The following HECW1 variants were observed in gnomAD, a reference collection of about 807,000 sequenced individuals.
HECW1 encodes the protein HECT, C2 and WW domain containing E3 ubiquitin protein ligase 1.
Under a neutral mutation model 182.3 loss-of-function variants are expected in HECW1, and 61 were observed. The observed-to-expected ratio is 0.33, with a 90% CI of 0.27 to 0.41. The LOEUF (loss-of-function observed/expected upper bound fraction) is 0.41, where lower values mean the gene tolerates loss of function less well. Ranked by LOEUF, HECW1 falls within the 10% of genes least tolerant of loss-of-function variation. The pLI is 1.00. For synonymous variants in HECW1, 859 were observed against 832.6 expected (o/e 1.03, Z -0.55); for missense variants, 1,739 against 2,108.9 (o/e 0.82, Z 3.44).
chr7:43,219,768 G>A (rs1162582955), intron 2 of HECW1, among the ~76,000 whole-genome samples: 1 of 152,174 alleles, frequency 6.6e-6, no homozygotes, highest in Non-Finnish European at 1.5e-5. Context: ...CCCAGGGTGT[G>A]GTACAGGGCT....
At chr7:43,114,546 C>A (rs543541210) in intron 2 of HECW1, among the ~76,000 whole-genome samples, 155 bp downstream of exon 2, 2 of 152,168 alleles carry the variant, frequency 1.3e-5, no homozygotes, top group Non-Finnish European at 2.9e-5. Context: ...TTCCCTGTTG[C>A]CTGTTCCCTC....
intron 5 of HECW1, among the ~76,000 whole-genome samples, chr7:43,322,985 G>C (rs891180267): frequency 6.6e-6 from 1 of 152,148 alleles, no homozygotes; most frequent in African/African-American, 2.4e-5. Flanking sequence ...TATTAAGGAA[G>C]AGGAAATCCT....
intron 8 of HECW1, among the ~76,000 whole-genome samples, chr7:43,409,823 T>C (rs2075738668): frequency 4.6e-5 from 7 of 152,230 alleles, no homozygotes; most frequent in Admixed American, 2.0e-4. Flanking sequence ...TAAATTGTAC[T>C]ACAGTTCCCA....
chr7:43,189,331 C>T (rs972960414), intron 2 of HECW1, among the ~76,000 whole-genome samples: 1 of 152,016 alleles, frequency 6.6e-6, no homozygotes, highest in African/African-American at 2.4e-5. Context: ...GAGGGTGGGG[C>T]CTGAGACTTC....
At chr7:43,337,179 C>G (rs916341446) in intron 5 of HECW1, among the ~76,000 whole-genome samples, 1 of 152,284 alleles carries the variant, frequency 6.6e-6, no homozygotes, top group South Asian at 2.1e-4. Flanking sequence ...GAGTGTCCCC[C>G]TTTCTCTGCA....
chr7:43,385,293 C>T (rs866572008), intron 6 of HECW1, among the ~76,000 whole-genome samples: 1 of 80,568 alleles, frequency 1.2e-5, no homozygotes, highest in African/African-American at 4.9e-5. Flanking sequence ...CCCCTCCCCT[C>T]CCCTCTCCCC....
chr7:43,139,188 G>A (rs1583653740), intron 2 of HECW1, among the ~76,000 whole-genome samples: 2 of 152,164 alleles, frequency 1.3e-5, no homozygotes, highest in South Asian at 2.1e-4. Flanking sequence ...CCCTAGGGGG[G>A]CTGCCACAGC....
chr7:43,331,718 C>T (rs1219866767), intron 5 of HECW1, among the ~76,000 whole-genome samples: 1 of 152,124 alleles, frequency 6.6e-6, no homozygotes, highest in Non-Finnish European at 1.5e-5. Flanking sequence ...AGGATGTTAC[C>T]ATGAGGTGGA....
At chr7:43,536,958 C>G (rs2081198921) in intron 24 of HECW1, among the ~76,000 whole-genome samples, 1 of 152,316 alleles carries the variant, frequency 6.6e-6, no homozygotes, top group East Asian at 1.9e-4. Context: ...GCGGCGGCAC[C>G]AGCACAGGCA....
At chr7:43,487,377 TATG>T (rs1280684704) in intron 17 of HECW1, among the ~76,000 whole-genome samples, 1 of 152,210 alleles carries the variant, frequency 6.6e-6, no homozygotes, top group Non-Finnish European at 1.5e-5. Context: ...CATTTACAAT[TATG>T]ATGAAAGCGA....
chr7:43,462,997 A>G (rs571827968), intron 13 of HECW1, among the ~76,000 whole-genome samples: 3 of 152,266 alleles, frequency 2.0e-5, no homozygotes, highest in East Asian at 3.9e-4. Context: ...TTAAAGGGCA[A>G]TGTCATATTC....
intron 16 of HECW1, among the ~76,000 whole-genome samples, chr7:43,474,759 G>C (rs1196037783): frequency 1.3e-5 from 2 of 152,114 alleles, no homozygotes; most frequent in Non-Finnish European, 2.9e-5. Context: ...TACATGAATG[G>C]ATAAACAAAA....
At chr7:43,340,252 G>A (rs1213633751) in intron 5 of HECW1, among the ~76,000 whole-genome samples, 5 of 121,332 alleles carry the variant, frequency 4.1e-5, no homozygotes, top group Non-Finnish European at 4.7e-5. Context: ...ACGGAGTATC[G>A]CTCTGTCGCC....
intron 27 of HECW1, among the ~76,000 whole-genome samples, chr7:43,551,636 T>C (rs1030961099): frequency 6.6e-6 from 1 of 152,228 alleles, no homozygotes; most frequent in Non-Finnish European, 1.5e-5. Context: ...ACAGAATCAT[T>C]CTGAGAGGGA....
At chr7:43,484,873 A>G (rs930559925) in intron 17 of HECW1, among the ~76,000 whole-genome samples, 1 of 152,238 alleles carries the variant, frequency 6.6e-6, no homozygotes, top group African/African-American at 2.4e-5. Flanking sequence ...TCTCCTCAGA[A>G]TGTGTGACCA....
intron 3 of HECW1, among the ~76,000 whole-genome samples, chr7:43,298,903 T>C (rs1806372427): frequency 6.6e-6 from 1 of 152,202 alleles, no homozygotes; most frequent in African/African-American, 2.4e-5. Context: ...TCTCTGCTGT[T>C]TTCCGCATAC....
At chr7:43,127,400 G>A (rs921082472) in intron 2 of HECW1, among the ~76,000 whole-genome samples, 2 of 151,828 alleles carry the variant, frequency 1.3e-5, no homozygotes, top group Non-Finnish European at 2.9e-5. Context: ...GCGCATGCCT[G>A]TAATCCCAGC....
At chr7:43,528,095 T>A (rs1040680289) in intron 24 of HECW1, among the ~76,000 whole-genome samples, 2 of 152,230 alleles carry the variant, frequency 1.3e-5, no homozygotes, top group African/African-American at 2.4e-5. Context: ...AATTGTTCAG[T>A]CGTTTGACCA....
intron 8 of HECW1, among the ~76,000 whole-genome samples, chr7:43,419,182 G>A (rs1020778170): frequency 9.2e-5 from 14 of 152,032 alleles, no homozygotes; most frequent in Admixed American, 6.6e-4. Context: ...TCTTTGCCTG[G>A]TTCATCCAGC....
Sources: gnomAD v4.1 joint callset for allele counts (sites outside exome capture counted in the v4.1 genomes callset) on GRCh38, gnomAD v4.1.1 for gene constraint, MANE v1.5 for transcripts, NCBI Gene and HGNC (gene_info 2026-07-23, HGNC 2026-07-21) for gene names.